Variants in DDX10 observed in about 807,000 individuals in gnomAD.
DDX10 encodes the protein DEAD-box helicase 10, also known as probable ATP-dependent RNA helicase DDX10.
In DDX10, 74 loss-of-function variants were observed where a neutral mutation model predicts 104.3. That is an observed-to-expected ratio of 0.71 (90% CI 0.59 to 0.86). The LOEUF (loss-of-function observed/expected upper bound fraction) is 0.86, where lower values mean the gene tolerates loss of function less well. Ranked by LOEUF, DDX10 falls within the 40% of genes least tolerant of loss-of-function variation. The probability of loss-of-function intolerance (pLI) is 0.00; values close to 1 mark genes in which losing one functional copy is unlikely to be tolerated. For synonymous variants in DDX10, 351 were observed against 353.4 expected (o/e 0.99, Z 0.08); for missense variants, 952 against 1,040.0 (o/e 0.92, Z 1.16).
At chr11:108,804,498 CA>C (rs3063225) in intron 13 of DDX10, among the ~76,000 whole-genome samples, 1,022 of 93,500 alleles carry the variant, frequency 0.011, 7 homozygotes, top group African/African-American at 0.035. Flanking sequence ...GACCCTGTCT[CA>C]AAAAAAAAAA....
At chr11:108,678,269 C>T (rs563060636) in intron 4 of DDX10, 46 bp from the exon 5 acceptor site, 2 of 1,582,652 alleles carry the variant, frequency 1.3e-6, no homozygotes, top group South Asian at 1.2e-5. Context: ...ACACAGGCTG[C>T]TGAGAGTGAT....
At chr11:108,879,235 C>G (rs1370890138) in intron 16 of DDX10, among the ~76,000 whole-genome samples, 2 of 152,096 alleles carry the variant, frequency 1.3e-5, no homozygotes, top group South Asian at 2.1e-4. Flanking sequence ...CTTCTGACCT[C>G]GTGATCTGCC....
At position 108,679,562 on chromosome 11, in the gene DDX10, T is replaced by C; in HGVS notation, c.848+2T>C. 1.3e-6 allele frequency: 2 copies of C among 1,572,294 alleles called. No individual in the cohort carries two copies. Among genetic ancestry groups the C allele is most frequent in the Non-Finnish European group, 1.7e-6 (2 of 1,162,430 alleles). Reference sequence around the variant, plus strand: ...GGTTCATGAAAAAGCAAAATATAGGTATGTACTCTTTGAGTCAATCAAGAT... The same window carrying C: ...GGTTCATGAAAAAGCAAAATATAGGCATGTACTCTTTGAGTCAATCAAGAT... On this transcript the variant is annotated splice_donor_variant, in intron 6 of 17. Transcript: ENST00000322536. LOFTEE classifies it high-confidence loss of function.
chr11:108,696,128 A>G (rs2094259518), intron 9 of DDX10, among the ~76,000 whole-genome samples: 1 of 152,050 alleles, frequency 6.6e-6, no homozygotes, highest in South Asian at 2.1e-4. Flanking sequence ...GAGGGGGTAG[A>G]TGGTGCCTCA....
rs183278297 is a variant in DDX10 at position 108,723,906 on chromosome 11, T to G, written c.1965+444T>G. 4.0e-3 allele frequency among the ~76,000 whole-genome samples: 605 copies of G among 152,310 alleles called. 5 individuals carry two copies. The highest frequency in any genetic ancestry group is 0.032 in the South Asian group (155 of 4,828). ...TTTGTTTATGGGAACCAAGCCAGTG[T>G]CTTAAATAGAAATTGAACAGTTCTT... is the stretch of plus-strand genomic sequence containing the variant. On this transcript the variant is annotated intron_variant, in intron 13 of 17. Transcript: ENST00000322536.
chr11:108,925,206 A>T (rs1184630458), intron 17 of DDX10, among the ~76,000 whole-genome samples: 1 of 152,206 alleles, frequency 6.6e-6, no homozygotes, highest in African/African-American at 2.4e-5. Context: ...GTTGCTACAC[A>T]TTGGGGAAGG....
intron 13 of DDX10, among the ~76,000 whole-genome samples, chr11:108,811,411 G>T (rs1045262579): frequency 1.3e-5 from 2 of 152,116 alleles, no homozygotes; most frequent in Non-Finnish European, 2.9e-5. Flanking sequence ...AGGTAAGGAA[G>T]GATACTCCAG....
intron 13 of DDX10, among the ~76,000 whole-genome samples, chr11:108,797,443 T>G (rs1180498744): frequency 6.6e-6 from 1 of 152,178 alleles, no homozygotes; most frequent in Non-Finnish European, 1.5e-5. Flanking sequence ...TTACTGCAAC[T>G]CTTCCTCCCA....
chr11:108,803,879 T>A (rs1347620178), intron 13 of DDX10, among the ~76,000 whole-genome samples: 1 of 152,206 alleles, frequency 6.6e-6, no homozygotes. Flanking sequence ...TGGACTGTTT[T>A]CTTTTTGCTA....
intron 10 of DDX10, among the ~76,000 whole-genome samples, chr11:108,708,435 T>C (rs958111991): frequency 2.0e-5 from 3 of 151,836 alleles, no homozygotes; most frequent in African/African-American, 7.3e-5. Context: ...TTTTATATCT[T>C]GTTGGATTCA....
chr11:108,778,590 C>T (rs2094373364), intron 13 of DDX10, among the ~76,000 whole-genome samples: 1 of 152,056 alleles, frequency 6.6e-6, no homozygotes, highest in Admixed American at 6.5e-5. Flanking sequence ...CCATAAAAAC[C>T]CTAGAAGAAA....
chr11:108,787,432 C>A (rs201626800), intron 13 of DDX10, among the ~76,000 whole-genome samples: 1 of 151,046 alleles, frequency 6.6e-6, no homozygotes, highest in East Asian at 2.0e-4. Context: ...TTCTCAAATA[C>A]ATTTTCCAAG....
At chr11:108,711,872 C>T (rs564094969) in intron 10 of DDX10, among the ~76,000 whole-genome samples, 1 of 152,138 alleles carries the variant, frequency 6.6e-6, no homozygotes, top group Admixed American at 6.5e-5. Context: ...GACTTTCTGC[C>T]TGCTGGATTT....
chr11:108,925,280 G>A (rs992174209), intron 17 of DDX10, among the ~76,000 whole-genome samples: 5 of 152,154 alleles, frequency 3.3e-5, no homozygotes, highest in Non-Finnish European at 5.9e-5. Flanking sequence ...GAGAAATTGG[G>A]AGTTTAAGAA....
At chr11:108,812,020 T>A (rs747160430) in intron 13 of DDX10, among the ~76,000 whole-genome samples, 2 of 152,144 alleles carry the variant, frequency 1.3e-5, no homozygotes, top group African/African-American at 4.8e-5. Context: ...TCACTTGAAT[T>A]TTTTTTATCC....
intron 9 of DDX10, among the ~76,000 whole-genome samples, chr11:108,702,856 CA>C (rs2094270397): frequency 2.0e-5 from 3 of 152,166 alleles, no homozygotes; most frequent in South Asian, 4.1e-4. Flanking sequence ...GATTTTAGGC[CA>C]ACCTCTTGGG....
intron 6 of DDX10, 151 bp from the exon 7 acceptor site, chr11:108,688,785 G>A (rs1226424596): frequency 5.9e-6 from 4 of 682,430 alleles, no homozygotes; most frequent in Non-Finnish European, 9.6e-6. Flanking sequence ...TTTCCTAAGG[G>A]ACAATAGAGA....
chr11:108,931,069 C>T (rs1008486355), intron 17 of DDX10, among the ~76,000 whole-genome samples: 11 of 152,314 alleles, frequency 7.2e-5, no homozygotes, highest in Admixed American at 2.0e-4. Context: ...CTGAGTGTCC[C>T]AGCTCCCCAG....
chr11:108,741,574 G>A, intron 13 of DDX10, among the ~76,000 whole-genome samples: 1 of 152,086 alleles, frequency 6.6e-6, no homozygotes, highest in East Asian at 1.9e-4. Flanking sequence ...TTTTGGACGG[G>A]ATTGCATTCT....
Sources: gnomAD v4.1 joint callset for allele counts (sites outside exome capture counted in the v4.1 genomes callset) on GRCh38, gnomAD v4.1.1 for gene constraint, MANE v1.5 for transcripts, NCBI Gene and HGNC (gene_info 2026-07-23, HGNC 2026-07-21) for gene names.